The following PRKCE variants were observed in gnomAD, a reference collection of about 807,000 sequenced individuals.
PRKCE encodes protein kinase C epsilon.
A neutral mutation model predicts 85.4 loss-of-function variants in PRKCE; 16 were observed. The ratio of observed to expected loss-of-function variants is 0.19; its 90% CI spans 0.13 to 0.28. The LOEUF is 0.28. PRKCE is among the 10% of genes least tolerant of loss of function. PRKCE has a pLI of 1.00. For synonymous variants in PRKCE, 388 were observed against 371.5 expected, an observed-to-expected ratio of 1.04 and a Z score of -0.51; for missense variants, 573 against 975.2, an observed-to-expected ratio of 0.59 and a Z score of 5.49.
chr2:45,911,889 C>T (rs1697406306), intron 2 of PRKCE, among the ~76,000 whole-genome samples: 1 of 152,050 alleles, frequency 6.6e-6, no homozygotes, highest in Non-Finnish European at 1.5e-5. Flanking sequence ...TAGTGTGTGT[C>T]CTGGTCTCTG....
intron 2 of PRKCE, among the ~76,000 whole-genome samples, chr2:45,877,327 A>G (rs1480960689): frequency 6.6e-6 from 1 of 152,104 alleles, no homozygotes; most frequent in Non-Finnish European, 1.5e-5. Flanking sequence ...CTTAGAGTTC[A>G]GTGGACTTTT....
intron 1 of PRKCE, among the ~76,000 whole-genome samples, chr2:45,729,483 T>C (rs1018459293): frequency 7.2e-5 from 11 of 152,178 alleles, no homozygotes; most frequent in African/African-American, 2.4e-4. Flanking sequence ...TGCATCTATG[T>C]GTCCCCCTTC....
intron 6 of PRKCE, among the ~76,000 whole-genome samples, chr2:45,996,474 G>A (rs1019087310): frequency 3.9e-5 from 6 of 152,068 alleles, no homozygotes; most frequent in East Asian, 1.9e-4. Flanking sequence ...TAGGGTTTTT[G>A]TTGATGTTCT....
intron 10 of PRKCE, chr2:46,011,078 TAG>T: frequency 3.7e-6 from 2 of 538,900 alleles, no homozygotes; most frequent in Non-Finnish European, 5.5e-6. Flanking sequence ...AACTCCATGG[TAG>T]AGTCTGACTC....
intron 10 of PRKCE, among the ~76,000 whole-genome samples, chr2:46,029,627 C>A (rs886136909): frequency 3.3e-5 from 5 of 151,810 alleles, no homozygotes; most frequent in Admixed American, 3.3e-4. Flanking sequence ...CTCAAGCAAG[C>A]CTGTTCATGC....
Position 46,064,301 on chromosome 2 carries a change from A to G in PRKCE, c.1438-21907A>G, listed in dbSNP as rs914976577. Among the ~76,000 whole-genome samples the G allele has an allele frequency of 1.5e-4, 22 of 151,316 alleles. No homozygotes were observed. The South Asian group carries it at 3.1e-3, about 22-fold the overall frequency. On this transcript the variant is annotated intron_variant, in intron 10 of 14. Transcript: ENST00000306156. ...GTCTCAAAAAAAAAAAAAAAAAAAAAAGAAAAAGAAAATTGTTAACTGCCC... is the reference window on the plus strand; with the variant it reads ...GTCTCAAAAAAAAAAAAAAAAAAAAGAGAAAAAGAAAATTGTTAACTGCCC...
At chr2:46,057,270 T>A (rs1398351628) in intron 10 of PRKCE, among the ~76,000 whole-genome samples, 2 of 152,138 alleles carry the variant, frequency 1.3e-5, no homozygotes, top group East Asian at 3.8e-4. Flanking sequence ...CCACCTGGTG[T>A]CAAGGGGCGT....
intron 10 of PRKCE, among the ~76,000 whole-genome samples, chr2:46,055,691 G>C (rs2105089601): frequency 1.3e-5 from 2 of 151,692 alleles, no homozygotes; most frequent in East Asian, 3.9e-4. Flanking sequence ...GGAGGGTCTT[G>C]CTCTGTTGCC....
At chr2:45,672,453 G>T (rs1253149576) in intron 1 of PRKCE, among the ~76,000 whole-genome samples, 1 of 152,128 alleles carries the variant, frequency 6.6e-6, no homozygotes, top group Non-Finnish European at 1.5e-5. Flanking sequence ...CATCCAGCCA[G>T]CCAGCCAGCC....
intron 11 of PRKCE, among the ~76,000 whole-genome samples, chr2:46,091,426 C>T (rs921166772): frequency 8.5e-5 from 13 of 152,168 alleles, no homozygotes; most frequent in Non-Finnish European, 1.6e-4. Context: ...GTCCCCATGT[C>T]ATGAAGGAGA....
rs918047381 is a variant in PRKCE, at chr2:45,965,566, G to T, written c.413-10863G>T. Among the ~76,000 whole-genome samples, 3 of 152,176 alleles carry T rather than the reference G, an allele frequency of 2.0e-5. No individual in the cohort carries two copies. In the East Asian group the frequency reaches 5.8e-4, roughly 29 times the overall value. ...TAATCACTGTACTCTGGACTATCATGGCAATTTCTTGCTTTGTTAGCAGAG... is the reference window on the plus strand; with the variant it reads ...TAATCACTGTACTCTGGACTATCATTGCAATTTCTTGCTTTGTTAGCAGAG... On this transcript the variant is annotated intron_variant, in intron 2 of 14. Coordinates refer to ENST00000306156, the MANE Select transcript of PRKCE (RefSeq NM_005400.3).
intron 2 of PRKCE, among the ~76,000 whole-genome samples, chr2:45,963,601 G>T (rs1235501224): frequency 1.3e-5 from 2 of 152,122 alleles, no homozygotes; most frequent in African/African-American, 4.8e-5. Flanking sequence ...GAGCTACCGC[G>T]CCCGGCCATC....
rs1004267637 is a variant in PRKCE at position 46,015,858 on chromosome 2, G to A, written c.1437+5341G>A. 2.0e-5 allele frequency among the ~76,000 whole-genome samples: 3 copies of A among 152,150 alleles called. No homozygotes were observed. The East Asian group carries it at 5.8e-4, about 29-fold the overall frequency. On this transcript the variant is annotated intron_variant, in intron 10 of 14. Coordinates refer to ENST00000306156, the MANE Select transcript of PRKCE (RefSeq NM_005400.3). ...CTACCTGAGGCACCACTACTACTCC[G>A]AAGGAGTTGGAGAGTGTGTGAGCAG...
chr2:45,659,475 T>G (rs916873759), intron 1 of PRKCE, among the ~76,000 whole-genome samples: 17 of 152,240 alleles, frequency 1.1e-4, no homozygotes, highest in Non-Finnish European at 2.2e-4. Flanking sequence ...CCACCTGTCC[T>G]GGCTTCTCAG....
chr2:46,138,992 T>G lies in PRKCE; in HGVS notation c.1593-6101T>G, dbSNP rs1327449351. 6.6e-6 allele frequency among the ~76,000 whole-genome samples: 1 copy of G among 152,146 alleles called. No individual in the cohort carries two copies. Among genetic ancestry groups the G allele is most frequent in the Non-Finnish European group, 1.5e-5 (1 of 68,028 alleles). ...CACTGGGGGAGGAAGTGGGGTTCCA[T>G]GGAAGTTCTCGTAAGTCTTCAGTCG... is the stretch of plus-strand genomic sequence containing the variant. On this transcript the variant is annotated intron_variant, in intron 11 of 14. Coordinates refer to ENST00000306156, the MANE Select transcript of PRKCE (RefSeq NM_005400.3). This position sits in a 1 kb window ranked among gnomAD's most constrained non-coding sequence, Gnocchi z 4.2.
At chr2:45,971,627 A>T (rs1458214357) in intron 2 of PRKCE, among the ~76,000 whole-genome samples, 1 of 152,214 alleles carries the variant, frequency 6.6e-6, no homozygotes, top group African/African-American at 2.4e-5. Context: ...TCTCTTTTGA[A>T]TTATGGTTTT....
At chr2:46,009,512 GT>G (rs1458066092) in intron 9 of PRKCE, among the ~76,000 whole-genome samples, 1 of 152,156 alleles carries the variant, frequency 6.6e-6, no homozygotes, top group African/African-American at 2.4e-5. Flanking sequence ...TACTTTTTAA[GT>G]GAAACTACTC....
At chr2:46,086,463 C>G in intron 11 of PRKCE, 101 bp downstream of exon 11, 1 of 1,376,686 alleles carries the variant, frequency 7.3e-7, no homozygotes, top group Non-Finnish European at 9.8e-7. Flanking sequence ...CTCTTAGCAA[C>G]CTGCTTTAGA....
chr2:46,061,522 A>G (rs547978545), intron 10 of PRKCE, among the ~76,000 whole-genome samples: 126 of 152,294 alleles, frequency 8.3e-4, no homozygotes, highest in African/African-American at 3.0e-3. Context: ...GCTGGGGCCA[A>G]TGACCTAGAG....
Sources: gnomAD v4.1 joint callset for allele counts (sites outside exome capture counted in the v4.1 genomes callset) on GRCh38, gnomAD v4.1.1 for gene constraint, Gnocchi (gnomAD v3.1) non-coding constraint, MANE v1.5 for transcripts, NCBI Gene and HGNC (gene_info 2026-07-23, HGNC 2026-07-21) for gene names.